The following UBASH3B variants were observed in gnomAD, a reference collection of about 807,000 sequenced individuals.
UBASH3B encodes ubiquitin-associated and SH3 domain-containing protein B.
In UBASH3B, 37 loss-of-function variants were observed where a neutral mutation model predicts 83.4. That is an observed-to-expected ratio of 0.44 (90% CI 0.34 to 0.58). UBASH3B has a LOEUF of 0.58. UBASH3B is among the 20% of genes least tolerant of loss of function. The pLI is 0.01. For synonymous variants in UBASH3B, 304 were observed against 318.3 expected (o/e 0.96, Z 0.48); for missense variants, 657 against 827.2 (o/e 0.79, Z 2.52).
chr11:122,794,897 T>G, intron 7 of UBASH3B, 63 bp downstream of exon 7: 11 of 1,603,260 alleles, frequency 6.9e-6, no homozygotes, highest in Non-Finnish European at 9.3e-6. Flanking sequence ...AACCTATTTA[T>G]TAAGCATGAG....
rs888727398 is a variant in UBASH3B, at chr11:122,718,755, G to C, written c.162-57464G>C. ...CGCATGTGTGTGTTTTGTGGCGGGAGGGATAAGGTAGAATCATCCTCTTCT... is the reference window on the plus strand; with the variant it reads ...CGCATGTGTGTGTTTTGTGGCGGGACGGATAAGGTAGAATCATCCTCTTCT... On this transcript the variant is annotated intron_variant, in intron 1 of 13. Coordinates refer to ENST00000284273, the MANE Select transcript of UBASH3B (RefSeq NM_032873.5). Among the ~76,000 whole-genome samples the C allele has an allele frequency of 2.0e-5, 3 of 152,102 alleles. No individual in the cohort carries two copies. The East Asian group carries it at 5.8e-4, about 29-fold the overall frequency.
intron 1 of UBASH3B, among the ~76,000 whole-genome samples, chr11:122,664,208 C>G (rs1346228677): frequency 6.6e-6 from 1 of 152,086 alleles, no homozygotes; most frequent in Non-Finnish European, 1.5e-5. Context: ...AAAAAGCAGA[C>G]CCAGGGCAGA....
chr11:122,722,649 C>T (rs1330538656), intron 1 of UBASH3B, among the ~76,000 whole-genome samples: 1 of 151,880 alleles, frequency 6.6e-6, no homozygotes, highest in Non-Finnish European at 1.5e-5. Context: ...AAATTCTTCA[C>T]ATGAAAGTCT....
chr11:122,772,125 C>A (rs1050333788), intron 1 of UBASH3B, among the ~76,000 whole-genome samples: 2 of 152,234 alleles, frequency 1.3e-5, no homozygotes, highest in Non-Finnish European at 2.9e-5. Context: ...AGTGGCACCT[C>A]TTTGAGTCTG....
intron 6 of UBASH3B, among the ~76,000 whole-genome samples, chr11:122,793,983 A>AAT (rs1861106038): frequency 1.3e-5 from 2 of 152,162 alleles, no homozygotes; most frequent in African/African-American, 2.4e-5. Flanking sequence ...TTCAGATGGA[A>AAT]ATTACCACGG....
intron 1 of UBASH3B, among the ~76,000 whole-genome samples, chr11:122,715,980 C>T (rs777933271): frequency 2.0e-5 from 3 of 152,274 alleles, no homozygotes; most frequent in Non-Finnish European, 2.9e-5. Context: ...GATTCAAGTG[C>T]TTCCTTTCTT....
Position 122,806,345 on chromosome 11 carries a change from G to A in UBASH3B, c.1596-65G>A, listed in dbSNP as rs1443151863. The stretch of plus-strand genomic sequence containing the variant: ...AAATGCCTTGAAATAAAAGTTTAGA[G>A]TGATATCTTCCTTTGTCTCAAGATC... On this transcript the variant is annotated intron_variant, in intron 11 of 13. Transcript: ENST00000284273. The surrounding 1 kb of genome is among the most constrained non-coding windows in gnomAD (Gnocchi z 4.0). 57 of 1,364,654 alleles carry A rather than the reference G, an allele frequency of 4.2e-5. No individual in the cohort carries two copies. Among genetic ancestry groups the A allele is most frequent in the Non-Finnish European group, 5.8e-5 (57 of 982,046 alleles). 84.5% of individuals were successfully genotyped at this position (1,364,654 alleles called of 1,614,324 possible).
chr11:122,687,900 A>G lies in UBASH3B; in HGVS notation c.161+31690A>G, dbSNP rs1050430620. ...CCATCAGTGCCTCATTTAAATACCTAATAATAATGATATCATAATAGTTGA... is the reference window on the plus strand; with the variant it reads ...CCATCAGTGCCTCATTTAAATACCTGATAATAATGATATCATAATAGTTGA... On this transcript the variant is annotated intron_variant, in intron 1 of 13. Transcript: ENST00000284273. Among the ~76,000 whole-genome samples, 3 of 152,134 alleles carry G rather than the reference A, an allele frequency of 2.0e-5. No homozygotes were observed. In the East Asian group the frequency reaches 5.8e-4, roughly 29 times the overall value.
chr11:122,797,829 G>C (rs1215761703), intron 9 of UBASH3B, among the ~76,000 whole-genome samples: 1 of 152,184 alleles, frequency 6.6e-6, no homozygotes, highest in Non-Finnish European at 1.5e-5. Context: ...TCTTAGGCTT[G>C]AGAAACAGCC....
At chr11:122,683,608 A>ATAATAAT (rs58490731) in intron 1 of UBASH3B, among the ~76,000 whole-genome samples, 83,537 of 147,930 alleles carry the variant, frequency 0.56, 25,937 homozygotes, top group East Asian at 0.76. Flanking sequence ...CCTTCTCAAA[A>ATAATAAT]AAAAAAAAAA....
intron 1 of UBASH3B, among the ~76,000 whole-genome samples, chr11:122,675,231 C>T (rs940436373): frequency 1.3e-5 from 2 of 152,210 alleles, no homozygotes; most frequent in African/African-American, 4.8e-5. Flanking sequence ...AACTTGCACA[C>T]AGAGCTCTAG....
At chr11:122,781,068 G>A (rs1212060772) in intron 4 of UBASH3B, among the ~76,000 whole-genome samples, 1 of 152,058 alleles carries the variant, frequency 6.6e-6, no homozygotes, top group Admixed American at 6.6e-5. Flanking sequence ...GAGTGGGATC[G>A]GGGCTCAGTA....
intron 1 of UBASH3B, among the ~76,000 whole-genome samples, chr11:122,724,656 C>T (rs1242971372): frequency 6.6e-6 from 1 of 152,112 alleles, no homozygotes; most frequent in Non-Finnish European, 1.5e-5. Context: ...CTTAAAATGT[C>T]ATTAGCAATT....
chr11:122,692,219 G>A (rs1179990132), intron 1 of UBASH3B, among the ~76,000 whole-genome samples: 1 of 152,138 alleles, frequency 6.6e-6, no homozygotes, highest in Non-Finnish European at 1.5e-5. Context: ...ATATAAGTCA[G>A]CAATAAATTT....
At chr11:122,680,262 T>G (rs1052164302) in intron 1 of UBASH3B, among the ~76,000 whole-genome samples, 7 of 152,226 alleles carry the variant, frequency 4.6e-5, no homozygotes, top group Non-Finnish European at 1.0e-4. Flanking sequence ...TATCTTCAGC[T>G]TCAAATAAAA....
At chr11:122,690,099 C>T (rs1439237822) in intron 1 of UBASH3B, among the ~76,000 whole-genome samples, 2 of 146,918 alleles carry the variant, frequency 1.4e-5, no homozygotes, top group African/African-American at 5.0e-5. Flanking sequence ...AGATTAAAGT[C>T]CTGCCTTAGG....
intron 8 of UBASH3B, 93 bp downstream of exon 8, chr11:122,796,369 A>G (rs1861157057): frequency 3.9e-6 from 6 of 1,543,034 alleles, no homozygotes; most frequent in Non-Finnish European, 5.3e-6. Flanking sequence ...GGAGTCATTC[A>G]TAGTTTTGCG....
At chr11:122,671,860 C>T (rs1565523790) in intron 1 of UBASH3B, among the ~76,000 whole-genome samples, 1 of 152,104 alleles carries the variant, frequency 6.6e-6, no homozygotes, top group Non-Finnish European at 1.5e-5. Context: ...GCAGCTGGCT[C>T]CGAAGGATGT....
intron 1 of UBASH3B, among the ~76,000 whole-genome samples, chr11:122,723,704 A>G (rs1030032240): frequency 2.6e-5 from 4 of 152,194 alleles, no homozygotes; most frequent in Admixed American, 6.5e-5. Flanking sequence ...CCGGGTAGAA[A>G]CCATGGGCCG....
Sources: gnomAD v4.1 joint callset for allele counts (sites outside exome capture counted in the v4.1 genomes callset) on GRCh38, gnomAD v4.1.1 for gene constraint, Gnocchi (gnomAD v3.1) non-coding constraint, MANE v1.5 for transcripts, NCBI Gene and HGNC (gene_info 2026-07-23, HGNC 2026-07-21) for gene names.